BNC2: variants seen among roughly 807,000 people sequenced by gnomAD.
The protein encoded by BNC2 is zinc finger protein basonuclin-2.
In BNC2, 20 loss-of-function variants were observed where a neutral mutation model predicts 76.3. The ratio of observed to expected loss-of-function variants is 0.26; its 90% CI spans 0.18 to 0.38. BNC2 has a LOEUF of 0.38. Among genes scored for constraint, BNC2 ranks in the 10% least tolerant of loss-of-function variants. BNC2 has a pLI of 1.00. For synonymous variants in BNC2, 582 were observed against 514.8 expected (o/e 1.13, Z -1.77); for missense variants, 1,382 against 1,399.8 (o/e 0.99, Z 0.20).
intron 1 of BNC2, among the ~76,000 whole-genome samples, chr9:16,750,664 T>C (rs1353130143): frequency 6.6e-6 from 1 of 152,226 alleles, no homozygotes; most frequent in Non-Finnish European, 1.5e-5. Context: ...TCAGTATCTC[T>C]GAATTAGACC....
At chr9:16,714,209 A>G (rs1167280864) in intron 3 of BNC2, among the ~76,000 whole-genome samples, 2 of 152,248 alleles carry the variant, frequency 1.3e-5, no homozygotes, top group Admixed American at 1.3e-4. Flanking sequence ...GAGGAGAGAA[A>G]TGAATGCTTT....
At chr9:16,717,627 A>T (rs779270112) in intron 3 of BNC2, among the ~76,000 whole-genome samples, 1 of 152,164 alleles carries the variant, frequency 6.6e-6, no homozygotes, top group Non-Finnish European at 1.5e-5. Context: ...GTTTCTACTT[A>T]ATTGTTTTAA....
At chr9:16,866,023 T>C (rs112855401) in intron 1 of BNC2, among the ~76,000 whole-genome samples, 3 of 152,118 alleles carry the variant, frequency 2.0e-5, no homozygotes, top group South Asian at 4.1e-4. Flanking sequence ...GAAGGACAAA[T>C]CTGGGTAGTT....
intron 1 of BNC2, among the ~76,000 whole-genome samples, chr9:16,790,988 G>A (rs771195747): frequency 2.2e-4 from 34 of 151,990 alleles, no homozygotes; most frequent in African/African-American, 7.0e-4. Flanking sequence ...AAGGCAACAC[G>A]ACTACATGCT....
intron 3 of BNC2, among the ~76,000 whole-genome samples, chr9:16,616,548 A>T (rs1005709870): frequency 1.2e-4 from 18 of 151,344 alleles, no homozygotes; most frequent in Non-Finnish European, 1.8e-4. Context: ...AAAATTTTTT[A>T]AATTAGCCAG....
chr9:16,639,608 GA>G (rs939317219), intron 3 of BNC2, among the ~76,000 whole-genome samples: 17 of 151,442 alleles, frequency 1.1e-4, no homozygotes, highest in African/African-American at 3.2e-4. Flanking sequence ...CAACACATGT[GA>G]AAACACAGGA....
At chr9:16,726,520 G>A (rs75896813) in intron 3 of BNC2, among the ~76,000 whole-genome samples, 4,912 of 134,646 alleles carry the variant, frequency 0.036, 217 homozygotes, top group African/African-American at 0.1. Context: ...CTAACTCAAA[G>A]TATTTAATTT....
intron 1 of BNC2, among the ~76,000 whole-genome samples, chr9:16,785,341 G>A (rs1046612453): frequency 1.3e-5 from 2 of 152,120 alleles, no homozygotes; most frequent in African/African-American, 2.4e-5. Context: ...CTGAGGCCAC[G>A]GGGAAAGTAA....
chr9:16,710,707 T>G (rs542507425), intron 3 of BNC2, among the ~76,000 whole-genome samples: 1 of 152,194 alleles, frequency 6.6e-6, no homozygotes, highest in Admixed American at 6.5e-5. Context: ...AAACTATCTA[T>G]TCTTATCATT....
Position 16,616,781 on chromosome 9 carries a change from G to GAGGAGGGAAGGAAGGA in BNC2, c.331-33697_331-33696insTCCTTCCTTCCCTCCT, listed in dbSNP as rs1309978519. ...GGAAGACAGGGATGGGAGGGGAGGG[G>GAGGAGGGAAGGAAGGA]AGGAAGGAGGGAAGGAAGGAAGGAA... On this transcript the variant is annotated intron_variant, in intron 3 of 6. Coordinates refer to ENST00000380672, the MANE Select transcript of BNC2 (RefSeq NM_017637.6). Among the ~76,000 whole-genome samples, 32 of 52,800 alleles carry GAGGAGGGAAGGAAGGA rather than the reference G, an allele frequency of 6.1e-4. No homozygotes were observed. The East Asian group carries it at 0.017, about 28-fold the overall frequency. The allele number at this position is 52,800 out of a possible 152,430, so 34.6% of individuals were successfully genotyped here.
At chr9:16,485,219 G>T (rs547479685) in intron 5 of BNC2, among the ~76,000 whole-genome samples, 1 of 151,988 alleles carries the variant, frequency 6.6e-6, no homozygotes, top group African/African-American at 2.4e-5. Context: ...CTAAATGATC[G>T]TTCCTCATAA....
chr9:16,704,932 CCTCT>C (rs1457540655), intron 3 of BNC2: 2 of 152,306 alleles, frequency 1.3e-5, no homozygotes, highest in African/African-American at 2.4e-5. Context: ...GCGCACTCCT[CCTCT>C]CTATCTCCCA....
chr9:16,763,591 C>A (rs1825613407), intron 1 of BNC2, among the ~76,000 whole-genome samples: 1 of 151,990 alleles, frequency 6.6e-6, no homozygotes, highest in Admixed American at 6.6e-5. Flanking sequence ...AAAAAACCAT[C>A]ATCACCTTCA....
At chr9:16,585,812 G>C (rs1359829201) in intron 3 of BNC2, among the ~76,000 whole-genome samples, 4 of 152,034 alleles carry the variant, frequency 2.6e-5, no homozygotes, top group Non-Finnish European at 5.9e-5. Flanking sequence ...TTTCATTCTT[G>C]TGAGCATGTT....
intron 5 of BNC2, among the ~76,000 whole-genome samples, chr9:16,452,040 T>C (rs1821351031): frequency 6.6e-6 from 1 of 152,178 alleles, no homozygotes; most frequent in Admixed American, 6.5e-5. Context: ...CCTGACCTGG[T>C]CGAGTGCTTT....
At chr9:16,583,903 C>A (rs189834098) in intron 3 of BNC2, among the ~76,000 whole-genome samples, 14 of 152,248 alleles carry the variant, frequency 9.2e-5, no homozygotes, top group African/African-American at 3.4e-4. Context: ...AAAAAACCAT[C>A]TCACCAGTTA....
At chr9:16,621,989 G>A (rs1336652014) in intron 3 of BNC2, among the ~76,000 whole-genome samples, 1 of 151,954 alleles carries the variant, frequency 6.6e-6, no homozygotes, top group African/African-American at 2.4e-5. Context: ...TGCATATGTG[G>A]CTTGCAGAAT....
chr9:16,798,450 T>C (rs1042362564), intron 1 of BNC2, among the ~76,000 whole-genome samples: 25 of 152,190 alleles, frequency 1.6e-4, no homozygotes, highest in Non-Finnish European at 2.9e-5. Flanking sequence ...AAATATTATT[T>C]GTATCCCCAT....
At chr9:16,698,101 T>C (rs1281310978) in intron 3 of BNC2, among the ~76,000 whole-genome samples, 1 of 152,178 alleles carries the variant, frequency 6.6e-6, no homozygotes, top group Non-Finnish European at 1.5e-5. Context: ...TTCCTTTACA[T>C]ACACAGGGGC....
Sources: gnomAD v4.1 joint callset for allele counts (sites outside exome capture counted in the v4.1 genomes callset) on GRCh38, gnomAD v4.1.1 for gene constraint, MANE v1.5 for transcripts, NCBI Gene and HGNC (gene_info 2026-07-23, HGNC 2026-07-21) for gene names.